Variants in SLC25A21 observed in about 807,000 individuals in gnomAD.
The protein encoded by SLC25A21 is solute carrier family 25 member 21, also known as mitochondrial 2-oxodicarboxylate carrier.
A neutral mutation model predicts 43.8 loss-of-function variants in SLC25A21; 47 were observed. The observed-to-expected ratio is 1.07, with a 90% CI of 0.85 to 1.37. SLC25A21 has a LOEUF of 1.37. Ranked by LOEUF, SLC25A21 falls within the 40% of genes most tolerant of loss-of-function variation. SLC25A21 has a pLI of 0.00. For synonymous variants in SLC25A21, 131 were observed against 121.3 expected (o/e 1.08, Z -0.52); for missense variants, 352 against 350.2 (o/e 1.00, Z -0.04).
At chr14:37,015,954 A>G (rs1424576249) in intron 1 of SLC25A21, among the ~76,000 whole-genome samples, 3 of 151,076 alleles carry the variant, frequency 2.0e-5, no homozygotes, top group Non-Finnish European at 4.5e-5. Flanking sequence ...CCTTTGTCAG[A>G]TGAGTAGGTT....
intron 1 of SLC25A21, among the ~76,000 whole-genome samples, chr14:36,961,852 G>C (rs1035462496): frequency 6.6e-6 from 1 of 152,206 alleles, no homozygotes; most frequent in Admixed American, 6.5e-5. Context: ...CCAGGAGCTA[G>C]AGCAGTTGTG....
chr14:36,923,531 T>C (rs1892039332), intron 1 of SLC25A21, among the ~76,000 whole-genome samples: 1 of 152,078 alleles, frequency 6.6e-6, no homozygotes, highest in African/African-American at 2.4e-5. Context: ...AAATGTAAAA[T>C]CATTTTTATT....
chr14:37,005,973 T>A (rs1566808918), intron 1 of SLC25A21, among the ~76,000 whole-genome samples: 2 of 152,180 alleles, frequency 1.3e-5, no homozygotes, highest in Non-Finnish European at 2.9e-5. Flanking sequence ...TTATTGCACA[T>A]AACCTCTTTT....
At chr14:36,887,140 C>T (rs2564846) in intron 1 of SLC25A21, among the ~76,000 whole-genome samples, 121,372 of 151,704 alleles carry the variant, frequency 0.8, 49,265 homozygotes, top group Non-Finnish European at 0.86. Context: ...GTAATGTCTA[C>T]ATATTCATAT....
At position 36,901,766 on chromosome 14, in the gene SLC25A21, T is replaced by C. The variant is rs113076846; in HGVS notation, c.71-26762A>G. Among the ~76,000 whole-genome samples, 5 of 152,298 alleles carry C rather than the reference T, an allele frequency of 3.3e-5. 1 individual carries two copies. Among genetic ancestry groups the C allele is most frequent in the African/African-American group, 4.8e-5 (2 of 41,586 alleles). On this transcript the variant is annotated intron_variant, in intron 1 of 9. Transcript: ENST00000331299. Reference sequence around the variant, plus strand: ...TTTAAGTAAAAATTACTCCCAAGGATATAGAAAGGCAAAATAAAGGCTATT... The same window carrying C: ...TTTAAGTAAAAATTACTCCCAAGGACATAGAAAGGCAAAATAAAGGCTATT...
chr14:36,934,974 A>G (rs561849892), intron 1 of SLC25A21, among the ~76,000 whole-genome samples: 5 of 152,018 alleles, frequency 3.3e-5, no homozygotes, highest in Admixed American at 3.3e-4. Context: ...AAAATCCAAC[A>G]GCTAAAACCT....
At chr14:36,990,995 C>A (rs1594741330) in intron 1 of SLC25A21, among the ~76,000 whole-genome samples, 1 of 152,196 alleles carries the variant, frequency 6.6e-6, no homozygotes, top group Non-Finnish European at 1.5e-5. Context: ...GAAAACAAAT[C>A]AATGCAAATC....
intron 3 of SLC25A21, among the ~76,000 whole-genome samples, chr14:36,776,226 C>CTTTTTTTTTT (rs1227806836): frequency 2.1e-5 from 1 of 48,086 alleles, no homozygotes; most frequent in African/African-American, 6.1e-5. Flanking sequence ...TTTTCTTTTT[C>CTTTTTTTTTT]TTTCTTTCTT....
At chr14:36,836,362 G>A (rs1369728414) in intron 2 of SLC25A21, among the ~76,000 whole-genome samples, 1 of 152,178 alleles carries the variant, frequency 6.6e-6, no homozygotes, top group Non-Finnish European at 1.5e-5. Flanking sequence ...GTTTTCTTAT[G>A]ATATATTAGT....
chr14:37,142,918 T>C (rs1234772606), intron 1 of SLC25A21, among the ~76,000 whole-genome samples: 1 of 152,216 alleles, frequency 6.6e-6, no homozygotes, highest in Non-Finnish European at 1.5e-5. Flanking sequence ...ATTTGACTAT[T>C]ATTTTTTTAG....
At chr14:36,867,455 A>C (rs1285343052) in intron 2 of SLC25A21, among the ~76,000 whole-genome samples, 1 of 152,154 alleles carries the variant, frequency 6.6e-6, no homozygotes, top group African/African-American at 2.4e-5. Context: ...AAGGCCAGGC[A>C]TGGTGCTAGC....
At chr14:37,085,560 T>C (rs2138843631) in intron 1 of SLC25A21, among the ~76,000 whole-genome samples, 2 of 152,340 alleles carry the variant, frequency 1.3e-5, no homozygotes, top group South Asian at 4.1e-4. Context: ...GTATGGACAT[T>C]GTATTCTGCT....
chr14:36,772,308 T>C (rs1460817903), intron 3 of SLC25A21, among the ~76,000 whole-genome samples: 1 of 152,150 alleles, frequency 6.6e-6, no homozygotes, highest in Non-Finnish European at 1.5e-5. Flanking sequence ...TCCTTGATAT[T>C]TGCAAGGGCT....
At chr14:37,153,456 A>G (rs1044716867) in intron 1 of SLC25A21, among the ~76,000 whole-genome samples, 1 of 152,216 alleles carries the variant, frequency 6.6e-6, no homozygotes, top group Non-Finnish European at 1.5e-5. Flanking sequence ...ACTGGCATGT[A>G]AGTGAGCAGA....
intron 3 of SLC25A21, chr14:36,807,161 G>A (rs1888069484): frequency 6.6e-6 from 1 of 152,224 alleles, no homozygotes; most frequent in Non-Finnish European, 1.5e-5. Flanking sequence ...CTGCATGGCA[G>A]ATTATCTGCT....
intron 3 of SLC25A21, among the ~76,000 whole-genome samples, chr14:36,805,313 TGTGA>T (rs1380897844): frequency 1.3e-5 from 2 of 151,754 alleles, no homozygotes; most frequent in African/African-American, 4.8e-5. Context: ...GGAGTCGGAG[TGTGA>T]GTGTCAGCTA....
intron 1 of SLC25A21, among the ~76,000 whole-genome samples, chr14:36,923,683 C>T (rs1006008767): frequency 6.6e-6 from 1 of 152,116 alleles, no homozygotes; most frequent in African/African-American, 2.4e-5. Flanking sequence ...GAAATACAGT[C>T]AGCCTTCCAT....
chr14:37,087,312 TA>T (rs1444805456), intron 1 of SLC25A21, among the ~76,000 whole-genome samples: 3 of 152,204 alleles, frequency 2.0e-5, no homozygotes, highest in African/African-American at 4.8e-5. Context: ...ACTTCATCAC[TA>T]AACTTAAAAG....
Position 37,018,749 on chromosome 14 carries a change from C to T in SLC25A21, c.71-143745G>A, listed in dbSNP as rs78042918. Among the ~76,000 whole-genome samples, 2,427 of 151,484 alleles carry T rather than the reference C, an allele frequency of 0.016. 177 individuals carry two copies. In the East Asian group the frequency reaches 0.25, roughly 16 times the overall value. ...CACATCCCTTCATGCACTCTAAGTG[C>T]GTGGCTTCCCTTTGCACTTAGAGGA... On this transcript the variant is annotated intron_variant, in intron 1 of 9. Coordinates refer to ENST00000331299, the MANE Select transcript of SLC25A21 (RefSeq NM_030631.4).
Sources: gnomAD v4.1 joint callset for allele counts (sites outside exome capture counted in the v4.1 genomes callset) on GRCh38, gnomAD v4.1.1 for gene constraint, MANE v1.5 for transcripts, NCBI Gene and HGNC (gene_info 2026-07-23, HGNC 2026-07-21) for gene names.